Variants in PKIB observed in about 807,000 individuals in gnomAD.
PKIB encodes the protein cAMP-dependent protein kinase inhibitor beta, also known as PKI-beta.
Under a neutral mutation model 4.5 loss-of-function variants are expected in PKIB, and 2 were observed. The ratio of observed to expected loss-of-function variants is 0.44; its 90% CI spans 0.18 to 1.39. PKIB has a LOEUF of 1.39. Among genes scored for constraint, PKIB ranks in the 40% most tolerant of loss-of-function variants. The pLI is 0.27. For synonymous variants in PKIB, 38 were observed against 36.0 expected (o/e 1.06, Z -0.20); for missense variants, 94 against 92.6 (o/e 1.02, Z -0.06).
At chr6:122,530,970 A>G (rs370323932) in intron 2 of PKIB, among the ~76,000 whole-genome samples, 18 of 152,252 alleles carry the variant, frequency 1.2e-4, no homozygotes, top group African/African-American at 3.1e-4. Flanking sequence ...TATCTACTCA[A>G]TTTGCCTCTG....
chr6:122,597,458 A>G (rs774702700), intron 3 of PKIB, among the ~76,000 whole-genome samples: 10 of 152,186 alleles, frequency 6.6e-5, no homozygotes, highest in Admixed American at 2.6e-4. Context: ...CTGCTTAACT[A>G]ATGAAACCAT....
chr6:122,603,135 A>T (rs1293775021), intron 3 of PKIB, among the ~76,000 whole-genome samples: 1 of 152,138 alleles, frequency 6.6e-6, no homozygotes, highest in Non-Finnish European at 1.5e-5. Flanking sequence ...GTTAAATTAG[A>T]GTTTATCTAA....
At chr6:122,568,756 A>G (rs372338724) in intron 2 of PKIB, among the ~76,000 whole-genome samples, 11 of 152,336 alleles carry the variant, frequency 7.2e-5, no homozygotes, top group African/African-American at 2.4e-4. Context: ...TGGGGAGCAC[A>G]AATGGGAATT....
chr6:122,488,794 G>T (rs1464846592), intron 2 of PKIB, among the ~76,000 whole-genome samples: 2 of 152,142 alleles, frequency 1.3e-5, no homozygotes, highest in Non-Finnish European at 2.9e-5. Flanking sequence ...TTCCCACCAG[G>T]CAGAGGTAGA....
rs1464341949 is a variant in PKIB, at chr6:122,540,426, A to G, written c.-247-45495A>G. Among the ~76,000 whole-genome samples the G allele has an allele frequency of 2.6e-5, 4 of 151,786 alleles. No homozygotes were observed. The East Asian group carries it at 7.7e-4, about 29-fold the overall frequency. ...AAAGAACATCTTTATTTCTGCCTTCATTTCATTAGGTACCCAGTAGTCATA... is the reference window on the plus strand; with the variant it reads ...AAAGAACATCTTTATTTCTGCCTTCGTTTCATTAGGTACCCAGTAGTCATA... On this transcript the variant is annotated intron_variant, in intron 2 of 6. Transcript: ENST00000392491.
At position 122,588,532 on chromosome 6, in the gene PKIB, A is replaced by G. The variant is rs570557622; in HGVS notation, c.-161+2525A>G. On this transcript the variant is annotated intron_variant, in intron 3 of 6. Coordinates refer to the PKIB transcript ENST00000392491. ...ACACTACCTGACTTCAAACTATACT[A>G]CAAGGCTACAGTAACCAAAACAGCA... Among the ~76,000 whole-genome samples, 6 of 152,312 alleles carry G rather than the reference A, an allele frequency of 3.9e-5. No individual in the cohort carries two copies. The South Asian group carries it at 1.2e-3, about 32-fold the overall frequency.
At position 122,726,101 on chromosome 6, in the gene PKIB, T is replaced by G. The variant is rs544372406; in HGVS notation, c.*906T>G. The G allele has an allele frequency of 1.1e-4, 16 of 152,236 alleles. No individual in the cohort carries two copies. In the East Asian group the frequency reaches 3.1e-3, roughly 29 times the overall value. 9.4% of individuals were successfully genotyped at this position (152,236 alleles called of 1,614,324 possible). On this transcript the variant is annotated 3_prime_UTR_variant, in exon 5 of 5. Coordinates refer to ENST00000368452, the MANE Select transcript of PKIB (RefSeq NM_181795.3). The stretch of plus-strand genomic sequence containing the variant: ...CACTTAAGCATTTAGTCAATGATAT[T>G]GGTAGAAATAGTAAAATACATCCTT...
chr6:122,714,027 T>C (rs1779378330), intron 3 of PKIB, among the ~76,000 whole-genome samples: 1 of 152,218 alleles, frequency 6.6e-6, no homozygotes, highest in Admixed American at 6.5e-5. Context: ...ACTTTTTTTC[T>C]TGTTGGGCTT....
chr6:122,699,284 A>AAAAAT (rs1554233479), intron 3 of PKIB, among the ~76,000 whole-genome samples: 50 of 151,660 alleles, frequency 3.3e-4, no homozygotes, highest in African/African-American at 7.7e-4. Context: ...TGTGAACTAA[A>AAAAAT]ATATATATAT....
At chr6:122,493,352 A>G (rs1775989601) in intron 2 of PKIB, 1 of 152,252 alleles carries the variant, frequency 6.6e-6, no homozygotes, top group Non-Finnish European at 1.5e-5. Flanking sequence ...GTGAGTCCTT[A>G]TCAGACACTG....
At chr6:122,660,031 C>T (rs546450769) in intron 2 of PKIB, among the ~76,000 whole-genome samples, 2 of 152,304 alleles carry the variant, frequency 1.3e-5, no homozygotes, top group Admixed American at 6.5e-5. Flanking sequence ...TAATTATCTA[C>T]TTTAGTTTTC....
Position 122,675,142 on chromosome 6 carries a change from T to G in PKIB, c.-11T>G, listed in dbSNP as rs1341231074. On this transcript the variant is annotated splice_region_variant and 5_prime_UTR_variant, in exon 3 of 5. Coordinates refer to ENST00000368452, the MANE Select transcript of PKIB (RefSeq NM_181795.3). The stretch of plus-strand genomic sequence containing the variant: ...AATAACAACATATTTTAATCAGAGA[T>G]TTGTAAGTATCCTTTTCTTCTTTAT... The G allele has an allele frequency of 6.6e-6, 1 of 152,580 alleles. No homozygotes were observed. Among genetic ancestry groups the G allele is most frequent in the Non-Finnish European group, 1.5e-5 (1 of 68,028 alleles). 9.5% of individuals were successfully genotyped at this position (152,580 alleles called of 1,614,324 possible). A position where few individuals can be genotyped will look rare whatever the true frequency, so the allele number is the denominator to read the frequency against.
intron 1 of PKIB, among the ~76,000 whole-genome samples, chr6:122,626,961 G>A (rs916737393): frequency 6.6e-6 from 1 of 151,692 alleles, no homozygotes; most frequent in African/African-American, 2.4e-5. Context: ...TCGGCCGGGC[G>A]CGGTGGCTCA....
At chr6:122,525,073 T>C (rs535015747) in intron 2 of PKIB, among the ~76,000 whole-genome samples, 2 of 151,948 alleles carry the variant, frequency 1.3e-5, no homozygotes, top group Non-Finnish European at 2.9e-5. Context: ...TTTTTTTAAA[T>C]GTATGCATTT....
chr6:122,518,406 A>G (rs1007303163), intron 2 of PKIB, among the ~76,000 whole-genome samples: 1 of 152,114 alleles, frequency 6.6e-6, no homozygotes, highest in Non-Finnish European at 1.5e-5. Context: ...TCACAGTTTT[A>G]TTGGAGTTCA....
At chr6:122,724,586 A>C (rs1779877596) in intron 4 of PKIB, among the ~76,000 whole-genome samples, 1 of 152,342 alleles carries the variant, frequency 6.6e-6, no homozygotes, top group Non-Finnish European at 1.5e-5. Flanking sequence ...AAGAATAAGC[A>C]CAGATCACGG....
At chr6:122,603,830 A>G (rs1283868448) in intron 3 of PKIB, among the ~76,000 whole-genome samples, 3 of 152,222 alleles carry the variant, frequency 2.0e-5, no homozygotes, top group Admixed American at 6.5e-5. Context: ...TTATTTGGGC[A>G]AATAACTTAC....
intron 3 of PKIB, among the ~76,000 whole-genome samples, chr6:122,687,931 G>T (rs1166895846): frequency 6.6e-6 from 1 of 151,698 alleles, no homozygotes; most frequent in Admixed American, 6.6e-5. Flanking sequence ...TTCCAATTTG[G>T]ATGTCCTTTT....
intron 2 of PKIB, among the ~76,000 whole-genome samples, chr6:122,529,173 T>C (rs1233478329): frequency 6.6e-6 from 1 of 152,234 alleles, no homozygotes; most frequent in Non-Finnish European, 1.5e-5. Flanking sequence ...GTTGATCTTC[T>C]GTAATGATGT....
Sources: allele counts gnomAD v4.1 joint callset (sites outside exome capture counted in the v4.1 genomes callset), GRCh38; gene constraint gnomAD v4.1.1; transcripts MANE v1.5; gene names NCBI Gene and HGNC (gene_info 2026-07-23, HGNC 2026-07-21).